Variants in MKNK1 observed in about 807,000 individuals in gnomAD.
The protein encoded by MKNK1 is MAP kinase-interacting serine/threonine-protein kinase 1.
Under a neutral mutation model 49.3 loss-of-function variants are expected in MKNK1, and 30 were observed. The observed-to-expected ratio is 0.61, with a 90% CI of 0.46 to 0.83. The LOEUF (loss-of-function observed/expected upper bound fraction) is 0.83, where lower values mean the gene tolerates loss of function less well. Ranked by LOEUF, MKNK1 falls within the 40% of genes least tolerant of loss-of-function variation. The pLI, the probability that MKNK1 is intolerant of heterozygous loss-of-function variation, is 0.00. For missense variants in MKNK1, 423 were observed against 524.7 expected (o/e 0.81, Z 1.89); for synonymous variants, 176 against 201.7 (o/e 0.87, Z 1.08).
intron 3 of MKNK1, 91 bp from the exon 4 acceptor site, chr1:46,580,718 T>G: frequency 1.2e-6 from 1 of 859,808 alleles, no homozygotes; most frequent in Non-Finnish European, 2.0e-6. Flanking sequence ...GCTTCCCTGA[T>G]CAGACGACAC....
At chr1:46,569,256 T>C (rs1933934) in intron 7 of MKNK1, 49,177 of 152,282 alleles carry the variant, frequency 0.32, 8,491 homozygotes, top group African/African-American at 0.45. Flanking sequence ...AGAAAACCTC[T>C]GCACTTTGGC....
At chr1:46,563,001 G>A in intron 9 of MKNK1, 158 bp from the exon 10 acceptor site, 1 of 589,998 alleles carries the variant, frequency 1.7e-6, no homozygotes, top group East Asian at 3.2e-5. Context: ...GCCGCCTGAT[G>A]CCACCAAGGC....
At chr1:46,560,405 CTT>C in intron 11 of MKNK1, 128 bp from the exon 12 acceptor site, 3 of 981,340 alleles carry the variant, frequency 3.1e-6, no homozygotes, top group South Asian at 1.4e-5. Context: ...GCTATGCTTG[CTT>C]GCAGGGTCAG....
intron 4 of MKNK1, among the ~76,000 whole-genome samples, chr1:46,578,745 C>G (rs541078436): frequency 2.0e-5 from 3 of 151,554 alleles, no homozygotes; most frequent in Non-Finnish European, 4.4e-5. Flanking sequence ...TGCCACCACA[C>G]CAGGCTAACA....
intron 2 of MKNK1, among the ~76,000 whole-genome samples, chr1:46,592,734 G>A (rs916340270): frequency 6.6e-6 from 1 of 152,206 alleles, no homozygotes; most frequent in Non-Finnish European, 1.5e-5. Flanking sequence ...GACTGAAGAA[G>A]GTGGGGGCAA....
intron 12 of MKNK1, 114 bp downstream of exon 12, chr1:46,560,120 G>A: frequency 8.6e-7 from 1 of 1,157,788 alleles, no homozygotes; most frequent in Non-Finnish European, 1.3e-6. Context: ...AATGGGCAGG[G>A]AGCCCCTTTG....
At chr1:46,600,242 C>T (rs1259847890) in intron 1 of MKNK1, among the ~76,000 whole-genome samples, 1 of 152,194 alleles carries the variant, frequency 6.6e-6, no homozygotes, top group Non-Finnish European at 1.5e-5. Flanking sequence ...CCCAACTACA[C>T]TGGAGGGAGA....
rs933002614 is a variant in MKNK1, at chr1:46,560,229, T to C, written c.1013+5A>G. On this transcript the variant is annotated splice_donor_5th_base_variant and intron_variant, in intron 12 of 12. Transcript: ENST00000371945. ...GCATGGCGTGGGGGTGGTCAGAGCA[T>C]TTACCTCTGGAGGACTTGCGGCGTG... 1.2e-6 allele frequency: 2 copies of C among 1,613,982 alleles called. No homozygotes were observed. Among genetic ancestry groups the C allele is most frequent in the Non-Finnish European group, 1.7e-6 (2 of 1,179,938 alleles).
At chr1:46,585,614 T>G in intron 2 of MKNK1, 1 of 340,480 alleles carries the variant, frequency 2.9e-6, no homozygotes, top group South Asian at 2.3e-5. Context: ...GTCCACACTT[T>G]GATGGAGGGC....
intron 2 of MKNK1, among the ~76,000 whole-genome samples, chr1:46,586,592 A>C (rs1230317156): frequency 1.3e-5 from 2 of 152,194 alleles, no homozygotes; most frequent in Non-Finnish European, 2.9e-5. Flanking sequence ...AATAGAAATG[A>C]TATGAAATGA....
intron 9 of MKNK1, among the ~76,000 whole-genome samples, chr1:46,563,742 A>G (rs1217479167): frequency 6.6e-6 from 1 of 152,208 alleles, no homozygotes; most frequent in Non-Finnish European, 1.5e-5. Context: ...CTTAAAGGGC[A>G]TGTCTTAAAA....
chr1:46,585,209 C>A (rs1672345914), intron 2 of MKNK1, among the ~76,000 whole-genome samples: 1 of 127,770 alleles, frequency 7.8e-6, no homozygotes, highest in African/African-American at 3.1e-5. Flanking sequence ...GAGATCACGC[C>A]ATTGCACTCC....
chr1:46,588,894 G>A (rs1320654600), intron 2 of MKNK1, among the ~76,000 whole-genome samples: 1 of 152,156 alleles, frequency 6.6e-6, no homozygotes, highest in Non-Finnish European at 1.5e-5. Context: ...GAGCCTGAGA[G>A]CTATGGCTCT....
Position 46,565,059 on chromosome 1 carries a change from T to C in MKNK1, c.591A>G (p.Thr197=), listed in dbSNP as rs761088411. Reference sequence around the variant, plus strand: ...TACGTACTGGGGTGGTCAGCTCTGGTGTGGTTATGGGGGTACAGGAGTTGT... The same window carrying C: ...TACGTACTGGGGTGGTCAGCTCTGGCGTGGTTATGGGGGTACAGGAGTTGT... ...KLNNSCTPIT[T]PELTTPCGSA... is the part of the protein sequence containing the mutation. The change falls in exon 9 of 13, where the codon ACA becomes ACG. Residue 197 remains threonine, a synonymous_variant. Transcript: ENST00000371945. 2.5e-6 allele frequency: 4 copies of C among 1,613,960 alleles called. No individual in the cohort carries two copies. The East Asian group carries it at 6.7e-5, about 27-fold the overall frequency.
intron 6 of MKNK1, among the ~76,000 whole-genome samples, chr1:46,573,537 G>A (rs1312541141): frequency 1.3e-5 from 2 of 152,050 alleles, no homozygotes; most frequent in East Asian, 1.9e-4. Context: ...CTGTTTTTTA[G>A]GGGGGATGGG....
chr1:46,602,504 G>C (rs1400313087), intron 1 of MKNK1, among the ~76,000 whole-genome samples: 1 of 152,220 alleles, frequency 6.6e-6, no homozygotes, highest in African/African-American at 2.4e-5. Flanking sequence ...GAGGGGAGAG[G>C]TGTGGGAACA....
In MKNK1 at chr1:46,558,002, T is replaced by C. The variant is rs1157140437; in HGVS notation, c.*573A>G. 6.5e-6 allele frequency: 1 copy of C among 152,916 alleles called. No homozygotes were observed. Among genetic ancestry groups the C allele is most frequent in the Non-Finnish European group, 1.5e-5 (1 of 68,264 alleles). The allele number at this position is 152,916 out of a possible 1,614,324, so 9.5% of individuals were successfully genotyped here. On this transcript the variant is annotated 3_prime_UTR_variant, in exon 13 of 13. Transcript: ENST00000371945. ...AGAAAGATTATGTGCTTTTCCGTGC[T>C]GCAGACCGGAAGACTGATTTGATTT...
At chr1:46,578,490 A>G (rs749806374) in intron 4 of MKNK1, among the ~76,000 whole-genome samples, 7 of 152,180 alleles carry the variant, frequency 4.6e-5, no homozygotes, top group Non-Finnish European at 1.0e-4. Flanking sequence ...CCATTATCCA[A>G]CCTTGAAGAA....
intron 3 of MKNK1, chr1:46,582,690 G>A: frequency 8.3e-6 from 3 of 362,460 alleles, no homozygotes; most frequent in South Asian, 6.2e-5. Flanking sequence ...CGCACACAGA[G>A]AGTGTCAAAA....
Sources: allele counts gnomAD v4.1 joint callset (sites outside exome capture counted in the v4.1 genomes callset), GRCh38; gene constraint gnomAD v4.1.1; transcripts MANE v1.5; gene names NCBI Gene and HGNC (gene_info 2026-07-23, HGNC 2026-07-21).